The following CNTN4 variants were observed in gnomAD, a reference collection of about 807,000 sequenced individuals.
The protein encoded by CNTN4 is contactin-4.
A neutral mutation model predicts 122.5 loss-of-function variants in CNTN4; 77 were observed. The ratio of observed to expected loss-of-function variants is 0.63; its 90% CI spans 0.52 to 0.76. The LOEUF (loss-of-function observed/expected upper bound fraction) is 0.76, where lower values mean the gene tolerates loss of function less well. Ranked by LOEUF, CNTN4 falls within the 30% of genes least tolerant of loss-of-function variation. CNTN4 has a pLI of 0.00. For missense variants in CNTN4, 1,256 were observed against 1,259.1 expected (o/e 1.00, Z 0.04); for synonymous variants, 512 against 447.0 (o/e 1.15, Z -1.83).
chr3:2,729,564 G>C (rs1376858590), intron 4 of CNTN4, among the ~76,000 whole-genome samples: 1 of 108,934 alleles, frequency 9.2e-6, no homozygotes, highest in African/African-American at 3.3e-5. Context: ...AAAAAAAAAA[G>C]AAGAGAAAAG....
intron 3 of CNTN4, among the ~76,000 whole-genome samples, chr3:2,562,211 C>T (rs1285469544): frequency 6.6e-6 from 1 of 152,144 alleles, no homozygotes; most frequent in African/African-American, 2.4e-5. Flanking sequence ...TATCCACAAT[C>T]TTAAGTCAAA....
chr3:2,129,730 GA>G (rs1465838181), intron 2 of CNTN4, among the ~76,000 whole-genome samples: 1 of 151,308 alleles, frequency 6.6e-6, no homozygotes, highest in East Asian at 2.0e-4. Flanking sequence ...TCATGACCTT[GA>G]ACAACCTTTC....
At chr3:2,104,487 A>C (rs1288880157) in intron 2 of CNTN4, among the ~76,000 whole-genome samples, 1 of 152,178 alleles carries the variant, frequency 6.6e-6, no homozygotes, top group Non-Finnish European at 1.5e-5. Context: ...GGGGTCATTC[A>C]GGGAATCAGG....
chr3:2,742,795 C>T (rs918598591), intron 5 of CNTN4, among the ~76,000 whole-genome samples: 1 of 152,164 alleles, frequency 6.6e-6, no homozygotes, highest in Non-Finnish European at 1.5e-5. Flanking sequence ...AGATTCCTCA[C>T]ACATTGAAAG....
intron 23 of CNTN4, among the ~76,000 whole-genome samples, chr3:3,045,457 C>CATTTGCTGTTCAGCAAT (rs1158836357): frequency 6.6e-6 from 1 of 152,224 alleles, no homozygotes; most frequent in African/African-American, 2.4e-5. Flanking sequence ...CAGGCAGCAA[C>CATTTGCTGTTCAGCAAT]ATTTGCTGTT....
chr3:2,358,910 C>T (rs1425026245), intron 3 of CNTN4, among the ~76,000 whole-genome samples: 1 of 152,104 alleles, frequency 6.6e-6, no homozygotes, highest in East Asian at 1.9e-4. Flanking sequence ...GCTGTGTATG[C>T]AGGAGAATGA....
At chr3:3,033,735 A>C (rs1211773923) in intron 16 of CNTN4, among the ~76,000 whole-genome samples, 1 of 152,156 alleles carries the variant, frequency 6.6e-6, no homozygotes, top group Non-Finnish European at 1.5e-5. Flanking sequence ...TTCATGTTGG[A>C]AAGTGGGATA....
intron 3 of CNTN4, among the ~76,000 whole-genome samples, chr3:2,510,878 A>C (rs2076867229): frequency 6.6e-6 from 1 of 152,010 alleles, no homozygotes. Flanking sequence ...AATCCATATC[A>C]CCAGTTCCTT....
chr3:2,785,831 A>AG (rs2091789421), intron 6 of CNTN4, among the ~76,000 whole-genome samples: 2 of 151,372 alleles, frequency 1.3e-5, no homozygotes, highest in Non-Finnish European at 2.9e-5. Flanking sequence ...GCCCAAAGTG[A>AG]GAACATGCCT....
At chr3:2,383,473 C>G (rs145703217) in intron 3 of CNTN4, among the ~76,000 whole-genome samples, 9 of 152,058 alleles carry the variant, frequency 5.9e-5, no homozygotes, top group Admixed American at 5.9e-4. Context: ...TTCCATTTCA[C>G]GGTTGAGAAA....
chr3:2,428,663 G>T (rs891022330), intron 3 of CNTN4, among the ~76,000 whole-genome samples: 8 of 152,190 alleles, frequency 5.3e-5, no homozygotes, highest in African/African-American at 1.9e-4. Context: ...ATCCTGCAGA[G>T]TGGTTTTCCA....
intron 14 of CNTN4, among the ~76,000 whole-genome samples, chr3:2,991,129 A>G (rs771815554): frequency 6.6e-6 from 1 of 152,220 alleles, no homozygotes; most frequent in Non-Finnish European, 1.5e-5. Context: ...TAGTGGACTT[A>G]TAGATGCAGA....
chr3:2,597,490 C>T (rs1402182575), intron 4 of CNTN4, among the ~76,000 whole-genome samples: 2 of 152,144 alleles, frequency 1.3e-5, no homozygotes, highest in Non-Finnish European at 2.9e-5. Context: ...TGACATAAGG[C>T]TCCTGAGTCG....
intron 3 of CNTN4, among the ~76,000 whole-genome samples, chr3:2,341,436 T>C (rs1459424536): frequency 6.6e-6 from 1 of 152,240 alleles, no homozygotes; most frequent in East Asian, 1.9e-4. Context: ...GCACAGATGA[T>C]GTCTTCCATA....
At chr3:3,036,340 G>A (rs915545426) in intron 17 of CNTN4, among the ~76,000 whole-genome samples, 1 of 152,100 alleles carries the variant, frequency 6.6e-6, no homozygotes, top group African/African-American at 2.4e-5. Context: ...TCACAGGTGT[G>A]CTTTAAGAAG....
At chr3:2,271,091 C>T (rs577953520) in intron 2 of CNTN4, among the ~76,000 whole-genome samples, 33 of 124,890 alleles carry the variant, frequency 2.6e-4, no homozygotes, top group Admixed American at 2.1e-3. Context: ...AAATATCATG[C>T]TGTTTCTGTA....
At chr3:2,303,039 A>G (rs889121624) in intron 2 of CNTN4, among the ~76,000 whole-genome samples, 13 of 152,196 alleles carry the variant, frequency 8.5e-5, no homozygotes, top group African/African-American at 2.9e-4. Context: ...GTTTACATAT[A>G]TAATGATGAT....
At chr3:2,191,005 A>G (rs1019782469) in intron 2 of CNTN4, among the ~76,000 whole-genome samples, 2 of 152,146 alleles carry the variant, frequency 1.3e-5, no homozygotes, top group Non-Finnish European at 2.9e-5. Context: ...TGAGTTTTCA[A>G]GGAATTTTTC....
intron 4 of CNTN4, among the ~76,000 whole-genome samples, chr3:2,679,077 A>C (rs1246122603): frequency 6.6e-6 from 1 of 152,154 alleles, no homozygotes; most frequent in African/African-American, 2.4e-5. Context: ...GGACATGCTA[A>C]TATCTTCAAT....
Sources: gnomAD v4.1 joint callset for allele counts (sites outside exome capture counted in the v4.1 genomes callset) on GRCh38, gnomAD v4.1.1 for gene constraint, MANE v1.5 for transcripts, NCBI Gene and HGNC (gene_info 2026-07-23, HGNC 2026-07-21) for gene names.